PDZRN4: variants seen among roughly 807,000 people sequenced by gnomAD.
PDZRN4 encodes the protein PDZ domain containing ring finger 4, also known as PDZ domain-containing RING finger protein 4.
In PDZRN4, 70 loss-of-function variants were observed where a neutral mutation model predicts 99.0. The observed-to-expected ratio is 0.71, with a 90% confidence interval of 0.58 to 0.86. PDZRN4 has a LOEUF of 0.86. PDZRN4 is among the 40% of genes least tolerant of loss of function. PDZRN4 has a pLI of 0.00. For missense variants in PDZRN4, 1,474 were observed against 1,331.2 expected (o/e 1.11, Z -1.67); for synonymous variants, 551 against 501.6 (o/e 1.10, Z -1.32).
At chr12:41,293,580 G>A (rs996018138) in intron 3 of PDZRN4, among the ~76,000 whole-genome samples, 2 of 151,886 alleles carry the variant, frequency 1.3e-5, no homozygotes, top group African/African-American at 2.4e-5. Context: ...CTCCTGTTTC[G>A]AAAAAGCAAA....
At chr12:41,449,734 A>C (rs1479834889) in intron 3 of PDZRN4, among the ~76,000 whole-genome samples, 2 of 152,208 alleles carry the variant, frequency 1.3e-5, no homozygotes, top group Non-Finnish European at 2.9e-5. Context: ...ATCTGTGTAA[A>C]ATTAAATGAA....
chr12:41,545,585 A>C (rs1035618478), intron 5 of PDZRN4, among the ~76,000 whole-genome samples: 4 of 151,806 alleles, frequency 2.6e-5, no homozygotes, highest in Non-Finnish European at 4.4e-5. Context: ...GGATACTGAA[A>C]TAAGTAATAC....
chr12:41,529,070 A>T (rs1197913899), intron 5 of PDZRN4, among the ~76,000 whole-genome samples: 1 of 152,222 alleles, frequency 6.6e-6, no homozygotes, highest in East Asian at 1.9e-4. Flanking sequence ...TTACAGAAGT[A>T]ATTTGCAGAA....
chr12:41,570,636 T>C (rs1461456923), intron 9 of PDZRN4, among the ~76,000 whole-genome samples: 1 of 152,120 alleles, frequency 6.6e-6, no homozygotes, highest in African/African-American at 2.4e-5. Flanking sequence ...GACAAGATAT[T>C]AGAAAAATAT....
At chr12:41,529,800 T>C (rs762254977) in intron 5 of PDZRN4, among the ~76,000 whole-genome samples, 6 of 152,192 alleles carry the variant, frequency 3.9e-5, no homozygotes, top group Admixed American at 6.5e-5. Context: ...TCAAACTCTT[T>C]TGTTGCTATT....
chr12:41,398,758 C>T (rs1301734654), intron 3 of PDZRN4, among the ~76,000 whole-genome samples: 1 of 152,106 alleles, frequency 6.6e-6, no homozygotes, highest in Non-Finnish European at 1.5e-5. Context: ...TCATTTCTTT[C>T]ATACCTGCTG....
At chr12:41,391,736 T>C (rs981158617) in intron 3 of PDZRN4, among the ~76,000 whole-genome samples, 1 of 152,192 alleles carries the variant, frequency 6.6e-6, no homozygotes, top group Non-Finnish European at 1.5e-5. Context: ...TCTTTTTTCC[T>C]TTTTGGCCCC....
chr12:41,233,811 G>C (rs1411871482), intron 3 of PDZRN4, among the ~76,000 whole-genome samples: 1 of 151,878 alleles, frequency 6.6e-6, no homozygotes, highest in Admixed American at 6.6e-5. Context: ...GCGGGGGGGA[G>C]ATAGCATTAG....
In PDZRN4 at chr12:41,486,218, G is replaced by GA. The variant is rs199716317; in HGVS notation, c.844-20231dup. ...TTGAGGGCAGTTTAAATCTAACACT[G>GA]AAAAAAATAAATATGGGAGTCCCGT... On this transcript the variant is annotated intron_variant, in intron 3 of 9. Coordinates refer to ENST00000402685, the MANE Select transcript of PDZRN4 (RefSeq NM_001164595.2). Among the ~76,000 whole-genome samples the GA allele has an allele frequency of 2.3e-3, 355 of 152,114 alleles. 6 individuals are homozygous for GA. The East Asian group carries it at 0.037, about 16-fold the overall frequency.
At position 41,191,473 on chromosome 12, in the gene PDZRN4, C is replaced by T. The variant is rs1160631000; in HGVS notation, c.664C>T (p.Pro222Ser). ...TTTTTTCTAGGATGGAGAGCATAAG[C>T]CATTCACTATTGTGTTAGAAAGAGA... ...GGHRRDGEHK[P>S]FTIVLEREND... Residue 222 changes from proline (P) to serine (S), a missense_variant, in exon 2 of 10, where the codon CCA becomes TCA. Transcript: ENST00000402685. 6.5e-7 allele frequency: 1 copy of T among 1,544,490 alleles called. No homozygotes were observed. The highest frequency in any genetic ancestry group is 2.3e-5 in the East Asian group (1 of 44,378).
At chr12:41,423,055 C>G (rs1046128207) in intron 3 of PDZRN4, among the ~76,000 whole-genome samples, 46 of 152,172 alleles carry the variant, frequency 3.0e-4, no homozygotes, top group African/African-American at 9.7e-4. Context: ...ATTGGCAACA[C>G]AGACTCAACT....
At chr12:41,284,687 C>T (rs1048828931) in intron 3 of PDZRN4, among the ~76,000 whole-genome samples, 1 of 152,036 alleles carries the variant, frequency 6.6e-6, no homozygotes, top group African/African-American at 2.4e-5. Context: ...AGAACAGAAG[C>T]CTCAGAAATA....
chr12:41,359,648 TC>T (rs1233099083), intron 3 of PDZRN4, among the ~76,000 whole-genome samples: 1 of 152,000 alleles, frequency 6.6e-6, no homozygotes, highest in Non-Finnish European at 1.5e-5. Context: ...GCACATGCTC[TC>T]TTTTTGCCTG....
intron 3 of PDZRN4, among the ~76,000 whole-genome samples, chr12:41,414,806 C>G (rs1399954565): frequency 6.6e-6 from 1 of 151,926 alleles, no homozygotes; most frequent in Non-Finnish European, 1.5e-5. Flanking sequence ...CATTTTGAGC[C>G]AGAGGAAAGG....
intron 3 of PDZRN4, among the ~76,000 whole-genome samples, chr12:41,343,641 A>G (rs1592020462): frequency 6.6e-6 from 1 of 151,980 alleles, no homozygotes; most frequent in Non-Finnish European, 1.5e-5. Context: ...GCAATTAGAT[A>G]GGAGGAATAA....
At position 41,506,688 on chromosome 12, in the gene PDZRN4, T is replaced by A. The variant is rs1373640012; in HGVS notation, c.1076T>A (p.Ile359Asn). The A allele has an allele frequency of 1.2e-6, 2 of 1,613,280 alleles. No homozygotes were observed. The highest frequency in any genetic ancestry group is 2.7e-5 in the African/African-American group (2 of 74,892). ...LRPPTPPVPD[I>N]CPFLLSDSCH... Reference sequence around the variant, plus strand: ...CCACCTACCCCTCCAGTGCCAGACATCTGTCCATTCCTGCTCTCAGACAGG... The same window carrying A: ...CCACCTACCCCTCCAGTGCCAGACAACTGTCCATTCCTGCTCTCAGACAGG... Residue 359 changes from isoleucine (I) to asparagine (N), a missense_variant, in exon 4 of 10, where the codon ATC becomes AAC. Transcript: ENST00000402685.
intron 3 of PDZRN4, among the ~76,000 whole-genome samples, chr12:41,470,527 T>A (rs1012604569): frequency 1.3e-5 from 2 of 152,110 alleles, no homozygotes; most frequent in Non-Finnish European, 1.5e-5. Context: ...ATACTTTAAG[T>A]TTTAGGGTAC....
intron 3 of PDZRN4, chr12:41,473,539 T>C (rs1953012835): frequency 6.6e-6 from 1 of 152,142 alleles, no homozygotes; most frequent in Admixed American, 6.6e-5. Context: ...CACTTCTGAG[T>C]GTTCCTGCCA....
chr12:41,338,818 A>G (rs945686005), intron 3 of PDZRN4, among the ~76,000 whole-genome samples: 9 of 152,008 alleles, frequency 5.9e-5, no homozygotes, highest in African/African-American at 2.2e-4. Flanking sequence ...AACAACAACA[A>G]CAAAATCTTT....
Sources: gnomAD v4.1 joint callset for allele counts (sites outside exome capture counted in the v4.1 genomes callset) on GRCh38, gnomAD v4.1.1 for gene constraint, MANE v1.5 for transcripts, NCBI Gene and HGNC (gene_info 2026-07-23, HGNC 2026-07-21) for gene names.